Variants in PCDHB12 observed in about 807,000 individuals in gnomAD.
PCDHB12 encodes the protein protocadherin beta-12.
For missense variants in PCDHB12, 1,192 were observed against 998.2 expected (o/e 1.19, Z -2.62); for synonymous variants, 560 against 445.2 (o/e 1.26, Z -3.24).
In PCDHB12 at chr5:141,209,696, C is replaced by A. The variant is rs782400101; in HGVS notation, c.789C>A (p.Thr263=). ...GCATCCTTGGCTCCCTGGTTGTGAC[C>A]GTCTCAGCCTGGGATTTAGACTCTG... is the stretch of plus-strand genomic sequence containing the variant. ...ENSILGSLVV[T]VSAWDLDSGT... The change falls in exon 1 of 1, where the codon ACC becomes ACA. Residue 263 remains threonine, a synonymous_variant. Transcript: ENST00000239450. 42 of 1,614,038 alleles carry A rather than the reference C, an allele frequency of 2.6e-5. No individual in the cohort carries two copies. The East Asian group carries it at 9.1e-4, about 35-fold the overall frequency.
rs782282856 is a variant in PCDHB12, at chr5:141,211,042, G to A, written c.2135G>A (p.Arg712Gln). 6.2e-7 allele frequency: 1 copy of A among 1,612,802 alleles called. No individual in the cohort carries two copies. Among genetic ancestry groups the A allele is most frequent in the Admixed American group, 1.7e-5 (1 of 60,010 alleles). ...TCGGTGCTCCTGTTCGTGGCGGTGC[G>A]GCTGTGCAGGAGGAGCAGGGCGGCC... ...LFSVLLFVAVRLCRRSRAAPV... is the reference protein window; with the variant it reads ...LFSVLLFVAVQLCRRSRAAPV... The change falls in exon 1 of 1, where the codon CGG (arginine) becomes CAG (glutamine). Residue 712 changes from arginine (R) to glutamine (Q), a missense_variant. Coordinates refer to ENST00000239450, the MANE Select transcript of PCDHB12 (RefSeq NM_018932.4).
Position 141,208,835 on chromosome 5 carries a change from C to T in PCDHB12, c.-73C>T. ...GAGGATTTGGTAGACAGATCAGAGG[C>T]ACGTTTCCCACAACTGCGAAGAGGC... On this transcript the variant is annotated 5_prime_UTR_variant, in exon 1 of 1. Coordinates refer to ENST00000239450, the MANE Select transcript of PCDHB12 (RefSeq NM_018932.4). 1 of 1,333,310 alleles carries T rather than the reference C, an allele frequency of 7.5e-7. No individual in the cohort carries two copies. The highest frequency in any genetic ancestry group is 1.0e-6 in the Non-Finnish European group (1 of 975,090). 82.6% of individuals were successfully genotyped at this position (1,333,310 alleles called of 1,614,324 possible).
At position 141,211,207 on chromosome 5, in the gene PCDHB12, T is replaced by C; in HGVS notation, c.2300T>C (p.Leu767Pro). Residue 767 changes from leucine (L) to proline (P), a missense_variant, in exon 1 of 1, where the codon CTG becomes CCG. Physicochemically the swap from Leu to Pro is moderately conservative, Grantham distance 98. Transcript: ENST00000239450. ...TCCAGGTCAAATAAGTTCAAATTTC[T>C]GAAACCAATTATCCCCAACTTCCTA... Reference protein sequence around the residue: ...GGSRSNKFKFLKPIIPNFLPQ... With the variant: ...GGSRSNKFKFPKPIIPNFLPQ... 6.2e-7 allele frequency: 1 copy of C among 1,614,184 alleles called. No individual in the cohort carries two copies. Among genetic ancestry groups the C allele is most frequent in the Non-Finnish European group, 8.5e-7 (1 of 1,180,002 alleles).
rs781797460 is a variant in PCDHB12 at position 141,210,420 on chromosome 5, T to C, written c.1513T>C (p.Ser505Pro). 1 of 1,613,090 alleles carries C rather than the reference T, an allele frequency of 6.2e-7. No homozygotes were observed. ...GCACCTGCCCCTCGCCTCCCTGGTC[T>C]CCATCAACGCGGACAACGGCCACCT... The part of the protein sequence containing the change: ...DPHLPLASLV[S>P]INADNGHLFA... The change falls in exon 1 of 1, where the codon TCC becomes CCC. Residue 505 changes from serine (S) to proline (P), a missense_variant. By Grantham distance (74) the Ser-to-Pro change is moderately conservative (BLOSUM62 -1). Transcript: ENST00000239450.
At position 141,208,916 on chromosome 5, in the gene PCDHB12, C is replaced by T. The variant is rs970749047; in HGVS notation, c.9C>T (p.Asn3=). 4.0e-6 allele frequency: 6 copies of T among 1,514,726 alleles called. No homozygotes were observed. In the African/African-American group the frequency reaches 8.4e-5, roughly 21 times the overall value. 93.8% of individuals were successfully genotyped at this position (1,514,726 alleles called of 1,614,324 possible). Reference sequence around the variant, plus strand: ...GTTTTGGAAAAGAAGCTATGGAAAACGGAGGGGCAGGCACTCTGCAGATAA... The same window carrying T: ...GTTTTGGAAAAGAAGCTATGGAAAATGGAGGGGCAGGCACTCTGCAGATAA... The part of the protein sequence containing the change: ME[N]GGAGTLQIRQ... The change falls in exon 1 of 1, where the codon AAC becomes AAT. Residue 3 remains asparagine, a synonymous_variant. Transcript: ENST00000239450.
chr5:141,209,496 G>A lies in PCDHB12; in HGVS notation c.589G>A (p.Asp197Asn). 2 of 1,614,176 alleles carry A rather than the reference G, an allele frequency of 1.2e-6. No individual in the cohort carries two copies. The highest frequency in any genetic ancestry group is 2.7e-5 in the African/African-American group (2 of 75,040). Residue 197 changes from aspartate (D) to asparagine (N), a missense_variant, in exon 1 of 1, where the codon GAC (aspartate) becomes AAC (asparagine). By Grantham distance (23) the Asp-to-Asn change is conservative. Coordinates refer to ENST00000239450, the MANE Select transcript of PCDHB12 (RefSeq NM_018932.4). The stretch of plus-strand genomic sequence containing the variant: ...TAGGAAATACCCTGAGTTAGTTCTG[G>A]ACAAGGCGCTGGATTATGAAGAGCG... ...DNRKYPELVL[D>N]KALDYEERPE...
Position 141,211,328 on chromosome 5 carries a change from A to T in PCDHB12, c.*33A>T, listed in dbSNP as rs1261618689. ...TGAAAAATAAAACCTGTGTTTATGAATACATTTATAATTAGGAACTTATCG... is the reference window on the plus strand; with the variant it reads ...TGAAAAATAAAACCTGTGTTTATGATTACATTTATAATTAGGAACTTATCG... On this transcript the variant is annotated 3_prime_UTR_variant, in exon 1 of 1. Coordinates refer to ENST00000239450, the MANE Select transcript of PCDHB12 (RefSeq NM_018932.4). The T allele has an allele frequency of 2.6e-6, 4 of 1,555,172 alleles. No homozygotes were observed. In the African/African-American group the frequency reaches 5.5e-5, roughly 22 times the overall value.
rs782357019 is a variant in PCDHB12 at position 141,210,255 on chromosome 5, G to A, written c.1348G>A (p.Ala450Thr). Residue 450 changes from alanine to threonine, a missense_variant, in exon 1 of 1, where the codon GCC becomes ACC. Physicochemically the swap from Ala to Thr is moderately conservative, Grantham distance 58. Coordinates refer to ENST00000239450, the MANE Select transcript of PCDHB12 (RefSeq NM_018932.4). ...CTCCGACGTCAATGACAACGCCCCC[G>A]CCTTCACCCAAACTTCCTACGCCCT... ...LVSDVNDNAP[A>T]FTQTSYALFV... The A allele has an allele frequency of 4.5e-5, 73 of 1,613,902 alleles. No individual in the cohort carries two copies. Among genetic ancestry groups the A allele is most frequent in the Non-Finnish European group, 5.3e-5 (63 of 1,180,008 alleles).
rs369072390 is a variant in PCDHB12 at position 141,210,796 on chromosome 5, T to C, written c.1889T>C (p.Leu630Pro). 4.3e-3 allele frequency: 6,876 copies of C among 1,600,008 alleles called. 32 individuals carry two copies. The highest frequency in any genetic ancestry group is 5.9e-3 in the Middle Eastern group (26 of 4,432). ...GGCGAGGTGCGCACCGCCAGGCTGC[T>C]GAGCGAGCGCGACGCGGCCAAGCAC... The part of the protein sequence containing the change: ...HNGEVRTARL[L>P]SERDAAKHRL... The change falls in exon 1 of 1, where the codon CTG becomes CCG. Residue 630 changes from leucine (L) to proline (P), a missense_variant. By Grantham distance (98) the Leu-to-Pro change is moderately conservative (BLOSUM62 -3). Transcript: ENST00000239450.
Position 141,211,450 on chromosome 5 carries a change from T to C in PCDHB12, c.*155T>C, listed in dbSNP as rs1754460464. 1.2e-6 allele frequency: 1 copy of C among 826,626 alleles called. No individual in the cohort carries two copies. 51.2% of individuals were successfully genotyped at this position (826,626 alleles called of 1,614,324 possible). A position where few individuals can be genotyped will look rare whatever the true frequency, so the allele number is the denominator to read the frequency against. On this transcript the variant is annotated 3_prime_UTR_variant, in exon 1 of 1. Coordinates refer to ENST00000239450, the MANE Select transcript of PCDHB12 (RefSeq NM_018932.4). ...TACATAGAAAAGGATACAGATTTAG[T>C]ACCAAGAACACTTCACAAAGCAGGA...
chr5:141,210,922 C>G lies in PCDHB12; in HGVS notation c.2015C>G (p.Pro672Arg), dbSNP rs1374742919. Reference sequence around the variant, plus strand: ...GACGGCTTCTCCCAGCCCTACCTGCCTCTCCCGGAGGCGGCCCCGGCCCAG... The same window carrying G: ...GACGGCTTCTCCCAGCCCTACCTGCGTCTCCCGGAGGCGGCCCCGGCCCAG... ...LVDGFSQPYL[P>R]LPEAAPAQAQ... The change falls in exon 1 of 1, where the codon CCT becomes CGT. Residue 672 changes from proline (P) to arginine (R), a missense_variant. Coordinates refer to ENST00000239450, the MANE Select transcript of PCDHB12 (RefSeq NM_018932.4). 2.5e-6 allele frequency: 4 copies of G among 1,610,774 alleles called. No homozygotes were observed. Among genetic ancestry groups the G allele is most frequent in the East Asian group, 2.2e-5 (1 of 44,868 alleles).
rs61739449 is a variant in PCDHB12 at position 141,210,986 on chromosome 5, G to A, written c.2079G>A (p.Ala693=). ...ADSLTVYLVV[A]LASVSSLFLF... Reference sequence around the variant, plus strand: ...CGCTCACTGTCTACCTGGTGGTGGCGTTGGCCTCAGTGTCGTCGCTCTTCC... The same window carrying A: ...CGCTCACTGTCTACCTGGTGGTGGCATTGGCCTCAGTGTCGTCGCTCTTCC... The change falls in exon 1 of 1, where the codon GCG becomes GCA. Residue 693 remains alanine, a synonymous_variant. Transcript: ENST00000239450. 42 of 1,611,608 alleles carry A rather than the reference G, an allele frequency of 2.6e-5. No individual in the cohort carries two copies. Among genetic ancestry groups the A allele is most frequent in the Admixed American group, 2.3e-4 (14 of 60,000 alleles).
At position 141,209,615 on chromosome 5, in the gene PCDHB12, T is replaced by C. The variant is rs201242452; in HGVS notation, c.708T>C (p.Asn236=). The C allele has an allele frequency of 3.5e-5, 57 of 1,614,046 alleles. No individual in the cohort carries two copies. Among genetic ancestry groups the C allele is most frequent in the Non-Finnish European group, 4.7e-5 (56 of 1,180,024 alleles). ...TCAGGGTGGTGGTTGTAGATATTAA[T>C]GACAACTCCCCTGAGTTTGAGCAGG... ...ALVRVVVVDI[N]DNSPEFEQAF... Residue 236 remains asparagine, a synonymous_variant, in exon 1 of 1, where the codon AAT becomes AAC. Coordinates refer to ENST00000239450, the MANE Select transcript of PCDHB12 (RefSeq NM_018932.4).
At position 141,209,183 on chromosome 5, in the gene PCDHB12, G is replaced by A. The variant is rs1754369325; in HGVS notation, c.276G>A (p.Arg92=). 1 of 1,614,064 alleles carries A rather than the reference G, an allele frequency of 6.2e-7. No individual in the cohort carries two copies. The highest frequency in any genetic ancestry group is 1.3e-5 in the African/African-American group (1 of 74,920). ...TGCTCCTGAGAGAAATGCTAGACAGGGAGGAGCTCTGTGGCTCCAATGAGC... is the reference window on the plus strand; with the variant it reads ...TGCTCCTGAGAGAAATGCTAGACAGAGAGGAGCTCTGTGGCTCCAATGAGC... The part of the protein sequence containing the change: ...GDLLLREMLD[R]EELCGSNEPC... The change falls in exon 1 of 1, where the codon AGG becomes AGA. Residue 92 remains arginine (R), a synonymous_variant. Coordinates refer to ENST00000239450, the MANE Select transcript of PCDHB12 (RefSeq NM_018932.4).
rs1457318291 is a variant in PCDHB12, at chr5:141,209,348, T to C, written c.441T>C (p.Pro147=). 8 of 1,614,088 alleles carry C rather than the reference T, an allele frequency of 5.0e-6. No homozygotes were observed. Among genetic ancestry groups the C allele is most frequent in the African/African-American group, 2.7e-5 (2 of 74,940 alleles). ...EMLLEIPENS[P]VGAVFLLESA... is the part of the protein sequence containing the mutation. The stretch of plus-strand genomic sequence containing the variant: ...TCTTAGAAATCCCAGAGAACAGTCC[T>C]GTTGGTGCTGTGTTCTTGCTTGAAA... Residue 147 remains proline (P), a synonymous_variant, in exon 1 of 1, where the codon CCT becomes CCC. Coordinates refer to ENST00000239450, the MANE Select transcript of PCDHB12 (RefSeq NM_018932.4).
Position 141,212,466 on chromosome 5 carries a change from A to G in PCDHB12, c.*1171A>G, listed in dbSNP as rs1194951686. ...TAAGGAGAAGCATTGTTTGTTAAAA[A>G]TATATAACCGATTCTTATATTTAAA... On this transcript the variant is annotated 3_prime_UTR_variant, in exon 1 of 1. Coordinates refer to ENST00000239450, the MANE Select transcript of PCDHB12 (RefSeq NM_018932.4). 1 of 152,226 alleles carries G rather than the reference A, an allele frequency of 6.6e-6. No homozygotes were observed. The highest frequency in any genetic ancestry group is 2.4e-5 in the African/African-American group (1 of 41,464). 9.4% of individuals were successfully genotyped at this position (152,226 alleles called of 1,614,324 possible).
Position 141,209,342 on chromosome 5 carries a change from C to A in PCDHB12, c.435C>A (p.Asn145Lys). ...EKEMLLEIPE[N>K]SPVGAVFLLE... is the part of the protein sequence containing the mutation. The stretch of plus-strand genomic sequence containing the variant: ...AAATGCTCTTAGAAATCCCAGAGAA[C>A]AGTCCTGTTGGTGCTGTGTTCTTGC... Residue 145 changes from asparagine to lysine, a missense_variant, in exon 1 of 1, where the codon AAC becomes AAA. Coordinates refer to ENST00000239450, the MANE Select transcript of PCDHB12 (RefSeq NM_018932.4). 1 of 1,614,230 alleles carries A rather than the reference C, an allele frequency of 6.2e-7. No homozygotes were observed. The highest frequency in any genetic ancestry group is 8.5e-7 in the Non-Finnish European group (1 of 1,180,050).
In PCDHB12 at chr5:141,211,947, A is replaced by G. The variant is rs1201142558; in HGVS notation, c.*652A>G. On this transcript the variant is annotated 3_prime_UTR_variant, in exon 1 of 1. Coordinates refer to ENST00000239450, the MANE Select transcript of PCDHB12 (RefSeq NM_018932.4). ...CTGGCAAGTTTCTGCCTAACTAAAGAGAAGAAAAGTTTTTATCGTATTCAT... is the reference window on the plus strand; with the variant it reads ...CTGGCAAGTTTCTGCCTAACTAAAGGGAAGAAAAGTTTTTATCGTATTCAT... 1 of 167,334 alleles carries G rather than the reference A, an allele frequency of 6.0e-6. No homozygotes were observed. The highest frequency in any genetic ancestry group is 1.5e-5 in the Non-Finnish European group (1 of 68,296). The allele number at this position is 167,334 out of a possible 1,614,324, so 10.4% of individuals were successfully genotyped here.
At position 141,211,698 on chromosome 5, in the gene PCDHB12, G is replaced by A. The variant is rs1754466325; in HGVS notation, c.*403G>A. The A allele has an allele frequency of 8.9e-6, 2 of 225,962 alleles. No homozygotes were observed. Among genetic ancestry groups the A allele is most frequent in the Non-Finnish European group, 1.9e-5 (2 of 103,880 alleles). The allele number at this position is 225,962 out of a possible 1,614,324, so 14.0% of individuals were successfully genotyped here. ...TTTAAACTTTATTTTTTTAAAAAAAGTTGTTTTATGAATCATACACTATTT... is the reference window on the plus strand; with the variant it reads ...TTTAAACTTTATTTTTTTAAAAAAAATTGTTTTATGAATCATACACTATTT... On this transcript the variant is annotated 3_prime_UTR_variant, in exon 1 of 1. Coordinates refer to ENST00000239450, the MANE Select transcript of PCDHB12 (RefSeq NM_018932.4).
Sources: allele counts gnomAD v4.1 joint callset, GRCh38; gene constraint gnomAD v4.1.1; transcripts MANE v1.5; gene names NCBI Gene and HGNC (gene_info 2026-07-23, HGNC 2026-07-21).